PTPRD: variants seen among roughly 807,000 people sequenced by gnomAD.
The protein encoded by PTPRD is receptor-type tyrosine-protein phosphatase delta.
In PTPRD, 34 loss-of-function variants were observed where a neutral mutation model predicts 214.5. The ratio of observed to expected loss-of-function variants is 0.16; its 90% CI spans 0.12 to 0.21. PTPRD has a LOEUF of 0.21. PTPRD is among the 10% of genes least tolerant of loss of function. The probability of loss-of-function intolerance (pLI) is 1.00; values close to 1 mark genes in which losing one functional copy is unlikely to be tolerated. For missense variants in PTPRD, 2,545 were observed against 2,398.7 expected (o/e 1.06, Z -1.27); for synonymous variants, 1,128 against 845.7 (o/e 1.33, Z -5.79).
intron 10 of PTPRD, among the ~76,000 whole-genome samples, chr9:9,022,000 C>T (rs2099571547): frequency 1.3e-5 from 2 of 151,846 alleles, no homozygotes; most frequent in South Asian, 2.1e-4. Context: ...GGAGGGAGAA[C>T]ATTAAGACAA....
intron 8 of PTPRD, among the ~76,000 whole-genome samples, chr9:9,478,831 T>C (rs1350261535): frequency 6.6e-6 from 1 of 152,216 alleles, no homozygotes; most frequent in Non-Finnish European, 1.5e-5. Context: ...TCTGCTCTGT[T>C]GGAGGTAGTT....
chr9:9,742,076 T>C (rs2098409452), intron 6 of PTPRD, among the ~76,000 whole-genome samples: 1 of 152,190 alleles, frequency 6.6e-6, no homozygotes, highest in African/African-American at 2.4e-5. Flanking sequence ...CCACCAACAG[T>C]GTTTTTAATA....
At chr9:9,604,884 A>G (rs2094041090) in intron 7 of PTPRD, among the ~76,000 whole-genome samples, 1 of 152,038 alleles carries the variant, frequency 6.6e-6, no homozygotes, top group Non-Finnish European at 1.5e-5. Flanking sequence ...AACAAAAAAA[A>G]AAGAGAGGTA....
At chr9:9,117,657 G>T (rs1027384978) in intron 10 of PTPRD, among the ~76,000 whole-genome samples, 3 of 151,904 alleles carry the variant, frequency 2.0e-5, no homozygotes, top group East Asian at 1.9e-4. Flanking sequence ...ATAAAGAAAA[G>T]AATAAATAAA....
chr9:9,673,260 T>C (rs2096864686), intron 7 of PTPRD, among the ~76,000 whole-genome samples: 1 of 151,954 alleles, frequency 6.6e-6, no homozygotes, highest in East Asian at 1.9e-4. Context: ...TATTCCACCA[T>C]TGAACTATCA....
At chr9:10,524,716 G>A (rs183611037) in intron 2 of PTPRD, among the ~76,000 whole-genome samples, 2 of 152,142 alleles carry the variant, frequency 1.3e-5, no homozygotes, top group Admixed American at 6.6e-5. Flanking sequence ...TTATCCCCTA[G>A]TAACGTATAA....
At chr9:10,426,288 G>C (rs2098615243) in intron 2 of PTPRD, among the ~76,000 whole-genome samples, 1 of 151,978 alleles carries the variant, frequency 6.6e-6, no homozygotes, top group Admixed American at 6.6e-5. Flanking sequence ...CTCATTTCAT[G>C]AGTATTGTCA....
intron 3 of PTPRD, among the ~76,000 whole-genome samples, chr9:10,181,564 G>A (rs942554297): frequency 6.6e-6 from 1 of 150,866 alleles, no homozygotes; most frequent in Non-Finnish European, 1.5e-5. Flanking sequence ...ATCATCAGTT[G>A]GTAAAACAAT....
chr9:9,946,200 G>T (rs956876020), intron 4 of PTPRD, among the ~76,000 whole-genome samples: 4 of 152,084 alleles, frequency 2.6e-5, no homozygotes, highest in African/African-American at 9.7e-5. Flanking sequence ...ATTGCAAGCA[G>T]CTTAAACACA....
chr9:9,759,228 T>C (rs2098626591), intron 6 of PTPRD, among the ~76,000 whole-genome samples: 1 of 152,200 alleles, frequency 6.6e-6, no homozygotes, highest in South Asian at 2.1e-4. Flanking sequence ...GTCTAGCCTG[T>C]GTTCAGTCAG....
intron 12 of PTPRD, among the ~76,000 whole-genome samples, chr9:8,673,690 T>A (rs2097336202): frequency 2.0e-5 from 3 of 152,222 alleles, no homozygotes; most frequent in Non-Finnish European, 4.4e-5. Flanking sequence ...TATTCTCTTA[T>A]TCTGAATGCA....
At position 8,315,477 on chromosome 9, in the gene PTPRD, C is replaced by T. The variant is rs934209461; in HGVS notation, c.*2397G>A. ...TTGTTTAACTAAAAGAAAATTATAGCACTGAGTAATCTGGCACTTGGATAA... is the reference window on the plus strand; with the variant it reads ...TTGTTTAACTAAAAGAAAATTATAGTACTGAGTAATCTGGCACTTGGATAA... On this transcript the variant is annotated 3_prime_UTR_variant, in exon 46 of 46. Transcript: ENST00000381196. 1 of 231,932 alleles carries T rather than the reference C, an allele frequency of 4.3e-6. No individual in the cohort carries two copies. The highest frequency in any genetic ancestry group is 8.5e-6 in the Non-Finnish European group (1 of 117,048). The allele number at this position is 231,932 out of a possible 1,614,324, so 14.4% of individuals were successfully genotyped here.
intron 7 of PTPRD, among the ~76,000 whole-genome samples, chr9:9,721,527 T>C (rs2097945869): frequency 6.6e-6 from 1 of 152,144 alleles, no homozygotes; most frequent in African/African-American, 2.4e-5. Context: ...AACAGGATTT[T>C]TTACTTTAAT....
At chr9:9,025,732 T>C (rs2099584797) in intron 10 of PTPRD, among the ~76,000 whole-genome samples, 1 of 152,090 alleles carries the variant, frequency 6.6e-6, no homozygotes, top group Admixed American at 6.6e-5. Context: ...AGTCACATGA[T>C]CTTGGGGAAG....
intron 11 of PTPRD, among the ~76,000 whole-genome samples, chr9:9,015,426 A>T (rs1263512203): frequency 6.6e-6 from 1 of 152,160 alleles, no homozygotes; most frequent in Non-Finnish European, 1.5e-5. Flanking sequence ...CAGTTTACAA[A>T]TGCCATGGGA....
chr9:10,328,267 G>A (rs1416817291), intron 3 of PTPRD, among the ~76,000 whole-genome samples: 1 of 151,684 alleles, frequency 6.6e-6, no homozygotes, highest in East Asian at 2.0e-4. Flanking sequence ...TAGTAGCTCA[G>A]AGACACATAT....
At chr9:9,471,924 C>G (rs1256773784) in intron 8 of PTPRD, among the ~76,000 whole-genome samples, 1 of 152,022 alleles carries the variant, frequency 6.6e-6, no homozygotes, top group Non-Finnish European at 1.5e-5. Context: ...ATTTTTTTAA[C>G]TACAGTTTAC....
chr9:10,549,665 C>G (rs910868979), intron 2 of PTPRD, among the ~76,000 whole-genome samples: 1 of 152,138 alleles, frequency 6.6e-6, no homozygotes, highest in Non-Finnish European at 1.5e-5. Context: ...ATCTCCCTTC[C>G]TTAAGGAGAT....
chr9:9,075,277 T>C (rs1177155601), intron 10 of PTPRD, among the ~76,000 whole-genome samples: 2 of 152,100 alleles, frequency 1.3e-5, no homozygotes, highest in Non-Finnish European at 2.9e-5. Context: ...ACCTCAAACA[T>C]TTATCCTTTC....
Sources: allele counts gnomAD v4.1 joint callset (sites outside exome capture counted in the v4.1 genomes callset), GRCh38; gene constraint gnomAD v4.1.1; transcripts MANE v1.5; gene names NCBI Gene and HGNC (gene_info 2026-07-23, HGNC 2026-07-21).